The following MANBA variants were observed in gnomAD, a reference collection of about 807,000 sequenced individuals.
The protein encoded by MANBA is mannosidase beta, also known as beta-mannosidase.
A neutral mutation model predicts 111.1 loss-of-function variants in MANBA; 83 were observed. The ratio of observed to expected loss-of-function variants is 0.75; its 90% CI spans 0.63 to 0.90. MANBA has a LOEUF of 0.90. Among genes scored for constraint, MANBA ranks in the 40% least tolerant of loss-of-function variants. The pLI is 0.00. For synonymous variants in MANBA, 370 were observed against 378.7 expected, an observed-to-expected ratio of 0.98 and a Z score of 0.27; for missense variants, 1,036 against 1,069.0, an observed-to-expected ratio of 0.97 and a Z score of 0.43.
intron 9 of MANBA, among the ~76,000 whole-genome samples, chr4:102,670,581 C>T (rs1199847530): frequency 6.6e-6 from 1 of 152,160 alleles, no homozygotes; most frequent in Non-Finnish European, 1.5e-5. Flanking sequence ...CAGTGGCTCA[C>T]ACCTGTAATC....
At chr4:102,661,397 T>A (rs1416163707) in intron 11 of MANBA, among the ~76,000 whole-genome samples, 2 of 152,166 alleles carry the variant, frequency 1.3e-5, no homozygotes, top group Non-Finnish European at 1.5e-5. Context: ...TCCACAAAGA[T>A]AAGAGTGTCC....
intron 11 of MANBA, chr4:102,659,012 T>A (rs1560753799): frequency 6.6e-6 from 1 of 152,190 alleles, no homozygotes; most frequent in Non-Finnish European, 1.5e-5. Context: ...GTCTATTGTG[T>A]CTGGCATTTT....
In MANBA at chr4:102,639,844, T is replaced by G; in HGVS notation, c.1883A>C (p.Gln628Pro). Residue 628 changes from glutamine (Q) to proline (P), a missense_variant, in exon 14 of 17, where the codon CAG becomes CCG. By Grantham distance (76) the Gln-to-Pro change is moderately conservative. Coordinates refer to ENST00000647097, the MANE Select transcript of MANBA (RefSeq NM_005908.4). ...TIYLTQVMQA[Q>P]CVKTETEFYR... ...GAATTCAGTTTCTGTTTTGACACAC[T>G]GGGCCTGCATCACCTGATTCAGGAA... is the stretch of plus-strand genomic sequence containing the variant. 1 of 1,614,130 alleles carries G rather than the reference T, an allele frequency of 6.2e-7. No individual in the cohort carries two copies. Among genetic ancestry groups the G allele is most frequent in the Non-Finnish European group, 8.5e-7 (1 of 1,179,984 alleles).
intron 2 of MANBA, among the ~76,000 whole-genome samples, chr4:102,725,276 TA>T (rs1006971962): frequency 6.6e-5 from 10 of 152,158 alleles, no homozygotes; most frequent in African/African-American, 2.4e-4. Context: ...GTATTTTTTT[TA>T]AAACTAGGTA....
intron 1 of MANBA, among the ~76,000 whole-genome samples, chr4:102,756,272 C>G (rs1275223042): frequency 6.6e-6 from 1 of 152,216 alleles, no homozygotes; most frequent in African/African-American, 2.4e-5. Context: ...GGCACATATA[C>G]ACCATGGAAT....
At chr4:102,635,794 A>C (rs945815355) in intron 15 of MANBA, 71 bp downstream of exon 15, 28 of 1,467,824 alleles carry the variant, frequency 1.9e-5, no homozygotes, top group African/African-American at 2.8e-5. Flanking sequence ...TCCCAAAAGA[A>C]TGTAACCAAA....
intron 5 of MANBA, among the ~76,000 whole-genome samples, chr4:102,701,487 G>GC (rs1470195784): frequency 6.6e-6 from 1 of 152,156 alleles, no homozygotes; most frequent in African/African-American, 2.4e-5. Context: ...TGATTTTGTA[G>GC]CAGCTGGTAC....
At chr4:102,728,761 G>A (rs763782359) in intron 1 of MANBA, 12 of 893,438 alleles carry the variant, frequency 1.3e-5, no homozygotes, top group Non-Finnish European at 1.9e-5. Flanking sequence ...TGGGCAGGAC[G>A]TCAGAGGACT....
chr4:102,659,050 CAGAGAAAGAGAGAGAG>C (rs1049639370), intron 11 of MANBA: 11 of 151,942 alleles, frequency 7.2e-5, no homozygotes, highest in African/African-American at 2.7e-4. Flanking sequence ...GGGAGAGAGA[CAGAGAAAGAGAGAGAG>C]AGAGAAAGAG....
intron 13 of MANBA, among the ~76,000 whole-genome samples, chr4:102,649,436 T>C (rs191122421): frequency 9.2e-5 from 14 of 152,330 alleles, no homozygotes; most frequent in Admixed American, 9.2e-4. Context: ...ATCTTTTTAA[T>C]TTTAGCCATT....
chr4:102,657,551 C>T, intron 12 of MANBA, 131 bp downstream of exon 12: 4 of 771,104 alleles, frequency 5.2e-6, no homozygotes, highest in Non-Finnish European at 8.5e-6. Context: ...AATTATTTTC[C>T]TCCATCTTCT....
At position 102,723,024 on chromosome 4, in the gene MANBA, G is replaced by T. The variant is rs766422175; in HGVS notation, c.396C>A (p.Asn132Lys). 6.2e-7 allele frequency: 1 copy of T among 1,613,794 alleles called. No homozygotes were observed. The highest frequency in any genetic ancestry group is 1.3e-5 in the African/African-American group (1 of 74,906). The change falls in exon 4 of 17, where the codon AAC becomes AAA. Residue 132 changes from asparagine to lysine, a missense_variant. Asn to Lys is a moderately conservative substitution (Grantham distance 94). Transcript: ENST00000647097. ...MFNRYSFDIT[N>K]VVRDVNSIEL... ...CAATGGAGTTCACGTCCCTGACCAC[G>T]TTGGTAATATCAAAGCTCTAAGTTA...
chr4:102,671,237 G>A (rs1315251347), intron 9 of MANBA, 44 bp downstream of exon 9: 4 of 1,190,512 alleles, frequency 3.4e-6, no homozygotes, highest in Admixed American at 1.7e-5. Context: ...TCAAACTGAG[G>A]ATATAGTAAC....
intron 1 of MANBA, among the ~76,000 whole-genome samples, chr4:102,745,708 CA>C (rs1466307767): frequency 1.3e-5 from 2 of 152,194 alleles, no homozygotes; most frequent in Non-Finnish European, 2.9e-5. Context: ...GCTGCAACAT[CA>C]AAAGCAGAAT....
chr4:102,710,973 G>T (rs1722040046), intron 5 of MANBA, among the ~76,000 whole-genome samples: 1 of 152,046 alleles, frequency 6.6e-6, no homozygotes. Flanking sequence ...ACTCAAGATG[G>T]ATTAAAGACT....
At chr4:102,640,355 A>G (rs1204479153) in intron 13 of MANBA, among the ~76,000 whole-genome samples, 1 of 152,198 alleles carries the variant, frequency 6.6e-6, no homozygotes, top group Non-Finnish European at 1.5e-5. Context: ...CTAGTCAAAC[A>G]ATTGTTTTGA....
intron 4 of MANBA, among the ~76,000 whole-genome samples, chr4:102,719,224 G>A (rs1331734342): frequency 2.6e-5 from 4 of 152,056 alleles, no homozygotes; most frequent in African/African-American, 9.7e-5. Context: ...CTTCCCCAGG[G>A]TTACTCCTTG....
In MANBA at chr4:102,722,397, C is replaced by A. The variant is rs376933388; in HGVS notation, c.549+474G>T. The stretch of plus-strand genomic sequence containing the variant: ...GATCCAAGTCCTCTTAGACTGGAAT[C>A]ATACTCTAAGAAAAATAATTACTTT... On this transcript the variant is annotated intron_variant, in intron 4 of 16. Coordinates refer to ENST00000647097, the MANE Select transcript of MANBA (RefSeq NM_005908.4). 3.7e-4 allele frequency: 69 copies of A among 186,758 alleles called. 1 individual carries two copies. The East Asian group carries it at 8.7e-3, about 23-fold the overall frequency. The allele number at this position is 186,758 out of a possible 1,614,324, so 11.6% of individuals were successfully genotyped here. A position where few individuals can be genotyped will look rare whatever the true frequency, so the allele number is the denominator to read the frequency against.
chr4:102,655,494 T>G (rs905278216), intron 12 of MANBA, among the ~76,000 whole-genome samples: 3 of 152,176 alleles, frequency 2.0e-5, no homozygotes, highest in African/African-American at 7.2e-5. Context: ...AATTCAGAAA[T>G]AAACCCTAAC....
Sources: allele counts gnomAD v4.1 joint callset (sites outside exome capture counted in the v4.1 genomes callset), GRCh38; gene constraint gnomAD v4.1.1; transcripts MANE v1.5; gene names NCBI Gene and HGNC (gene_info 2026-07-23, HGNC 2026-07-21).